CRBN: variants seen among roughly 807,000 people sequenced by gnomAD.
CRBN encodes the protein protein cereblon.
Under a neutral mutation model 62.2 loss-of-function variants are expected in CRBN, and 53 were observed. The observed-to-expected ratio is 0.85, with a 90% CI of 0.68 to 1.07. CRBN has a LOEUF of 1.07. Ranked by LOEUF, CRBN falls within the 50% of genes least tolerant of loss-of-function variation. The pLI is 0.00. For missense variants in CRBN, 616 were observed against 531.1 expected, an observed-to-expected ratio of 1.16 and a Z score of -1.57; for synonymous variants, 208 against 176.1, an observed-to-expected ratio of 1.18 and a Z score of -1.43.
chr3:3,150,556 T>C lies in CRBN; in HGVS notation c.*309A>G. On this transcript the variant is annotated 3_prime_UTR_variant, in exon 11 of 11. Transcript: ENST00000231948. ...TTAACACAGGAAATAATCTCATCAT[T>C]TCCAAAGATGTCTTCATGTCCCATC... The C allele has an allele frequency of 4.3e-6, 1 of 231,476 alleles. No homozygotes were observed. The highest frequency in any genetic ancestry group is 8.7e-6 in the Non-Finnish European group (1 of 115,422). 14.3% of individuals were successfully genotyped at this position (231,476 alleles called of 1,614,324 possible).
chr3:3,156,339 G>A, intron 5 of CRBN, 58 bp from the exon 6 acceptor site: 1 of 1,437,896 alleles, frequency 7.0e-7, no homozygotes, highest in Non-Finnish European at 9.8e-7. Flanking sequence ...TTCTAATGCT[G>A]GAATGAGCAA....
chr3:3,175,227 T>C lies in CRBN; in HGVS notation c.110A>G (p.Asp37Gly). 6 of 1,613,638 alleles carry C rather than the reference T, an allele frequency of 3.7e-6. No individual in the cohort carries two copies. Among genetic ancestry groups the C allele is most frequent in the Non-Finnish European group, 5.1e-6 (6 of 1,179,644 alleles). The change falls in exon 2 of 11, where the codon GAT becomes GGT. Residue 37 changes from aspartate (D) to glycine (G), a missense_variant. Transcript: ENST00000231948. ...EEDEMEVEDQ[D>G]SKEAKKPNII... is the part of the protein sequence containing the mutation. Reference sequence around the variant, plus strand: ...GTTTGGTTTTTTGGCTTCTTTACTATCCTGGTCTTCAACTTCCATTTCATC... The same window carrying C: ...GTTTGGTTTTTTGGCTTCTTTACTACCCTGGTCTTCAACTTCCATTTCATC...
intron 7 of CRBN, 55 bp downstream of exon 7, chr3:3,154,692 C>A: frequency 1.1e-6 from 1 of 942,946 alleles, no homozygotes; most frequent in South Asian, 1.3e-5. Context: ...CATGAAAAAG[C>A]TATTTTTTAT....
chr3:3,163,549 T>C (rs546401547), intron 5 of CRBN, among the ~76,000 whole-genome samples: 5 of 152,152 alleles, frequency 3.3e-5, no homozygotes, highest in Admixed American at 2.0e-4. Flanking sequence ...AAAAAATAAA[T>C]TTAAAAAGCA....
rs1707745151 is a variant in CRBN at position 3,174,343 on chromosome 3, C to A, written c.175-82G>T. On this transcript the variant is annotated intron_variant, in intron 2 of 10. Coordinates refer to ENST00000231948, the MANE Select transcript of CRBN (RefSeq NM_016302.4). Reference sequence around the variant, plus strand: ...GCTCAACAGACTAAAGAGCAAATCACATTAAAAGAAATACAGGCCGGGCAC... The same window carrying A: ...GCTCAACAGACTAAAGAGCAAATCAAATTAAAAGAAATACAGGCCGGGCAC... 11 of 1,142,992 alleles carry A rather than the reference C, an allele frequency of 9.6e-6. No individual in the cohort carries two copies. The South Asian group carries it at 1.0e-4, about 11-fold the overall frequency. 70.8% of individuals were successfully genotyped at this position (1,142,992 alleles called of 1,614,324 possible).
intron 4 of CRBN, among the ~76,000 whole-genome samples, chr3:3,170,063 T>G (rs1290534725): frequency 6.6e-6 from 1 of 152,062 alleles, no homozygotes; most frequent in Non-Finnish European, 1.5e-5. Context: ...CAGTGCAACC[T>G]CTGCCTCCCA....
Position 3,150,658 on chromosome 3 carries a change from T to C in CRBN, c.*207A>G, listed in dbSNP as rs1011051866. On this transcript the variant is annotated 3_prime_UTR_variant, in exon 11 of 11. Transcript: ENST00000231948. ...ACCCAAGTAGATGTTTCTGGTATTC[T>C]AGACTGCCGTTCATGCTTGTTTCCT... The C allele has an allele frequency of 7.7e-6, 4 of 516,192 alleles. No homozygotes were observed. The highest frequency in any genetic ancestry group is 1.9e-5 in the African/African-American group (1 of 52,124). The allele number at this position is 516,192 out of a possible 1,614,324, so 32.0% of individuals were successfully genotyped here. A position where few individuals can be genotyped will look rare whatever the true frequency, so the allele number is the denominator to read the frequency against.
At chr3:3,179,421 G>C (rs1037517105) in intron 1 of CRBN, among the ~76,000 whole-genome samples, 200 bp downstream of exon 1, 2 of 152,238 alleles carry the variant, frequency 1.3e-5, no homozygotes, top group Non-Finnish European at 2.9e-5. Flanking sequence ...CTCACGGCTC[G>C]GGGCAACAGA....
chr3:3,161,288 G>T (rs1707130322), intron 5 of CRBN, among the ~76,000 whole-genome samples: 1 of 152,080 alleles, frequency 6.6e-6, no homozygotes, highest in African/African-American at 2.4e-5. Context: ...TTACAGAAAG[G>T]AAACACAAAC....
downstream of CRBN, chr3:3,149,666 G>T (rs1208961774): frequency 6.6e-6 from 1 of 151,954 alleles, no homozygotes; most frequent in African/African-American, 2.4e-5. Flanking sequence ...AGTAGTAAAA[G>T]TAGACCTTAG....
chr3:3,172,713 G>C, intron 4 of CRBN, 63 bp downstream of exon 4: 1 of 1,525,390 alleles, frequency 6.6e-7, no homozygotes, highest in Admixed American at 1.7e-5. Context: ...AACAGAAAAA[G>C]TACAAGAAAA....
At position 3,166,596 on chromosome 3, in the gene CRBN, C is replaced by A. The variant is rs189840643; in HGVS notation, c.687+1038G>T. 5.9e-5 allele frequency among the ~76,000 whole-genome samples: 9 copies of A among 152,204 alleles called. No homozygotes were observed. The East Asian group carries it at 1.7e-3, about 29-fold the overall frequency. ...CTAATTATATCTTCCTTATTAGAATCTTCCTTAGAAACACTAGTCAAAACA... is the reference window on the plus strand; with the variant it reads ...CTAATTATATCTTCCTTATTAGAATATTCCTTAGAAACACTAGTCAAAACA... On this transcript the variant is annotated intron_variant, in intron 5 of 10. Coordinates refer to ENST00000231948, the MANE Select transcript of CRBN (RefSeq NM_016302.4).
chr3:3,154,061 CTCTG>C lies in CRBN; in HGVS notation c.846_849del (p.Tyr282Ter). 8 of 1,610,366 alleles carry C rather than the reference CTCTG, an allele frequency of 5.0e-6. No individual in the cohort carries two copies. The highest frequency in any genetic ancestry group is 6.8e-6 in the Non-Finnish European group (8 of 1,176,588). On this transcript the variant is annotated frameshift_variant, in exon 8 of 11. Transcript: ENST00000231948. LOFTEE classifies it high-confidence loss of function. Reference sequence around the variant, plus strand: ...TCATCAATAGGAAGACAAGCAGCTACTCTGTAAGAAAAATCTTCAAGACATGGTT... The same window carrying C: ...TCATCAATAGGAAGACAAGCAGCTACTAAGAAAAATCTTCAAGACATGGTT...
rs534542700 is a variant in CRBN, at chr3:3,174,007, G to C, written c.377+52C>G. The C allele has an allele frequency of 2.8e-5, 41 of 1,457,768 alleles. No individual in the cohort carries two copies. In the African/African-American group the frequency reaches 4.0e-4, roughly 14 times the overall value. 90.3% of individuals were successfully genotyped at this position (1,457,768 alleles called of 1,614,324 possible). On this transcript the variant is annotated intron_variant, in intron 3 of 10. Coordinates refer to ENST00000231948, the MANE Select transcript of CRBN (RefSeq NM_016302.4). ...TGCTTTGGCTTCAACACTGACCACT[G>C]CAATTACCCATGAGAGGGAATGTAT...
At position 3,174,105 on chromosome 3, in the gene CRBN, G is replaced by A. The variant is rs756895773; in HGVS notation, c.331C>T (p.Arg111Trp). 6.8e-6 allele frequency: 11 copies of A among 1,613,948 alleles called. No homozygotes were observed. The highest frequency in any genetic ancestry group is 2.7e-5 in the African/African-American group (2 of 74,894). Residue 111 changes from arginine to tryptophan, a missense_variant, in exon 3 of 11, where the codon CGG (arginine) becomes TGG (tryptophan). Transcript: ENST00000231948. ...LFHPQEVSMV[R>W]NLIQKDRTFA... ...GTTCTATCTTTCTGAATTAAATTCC[G>A]CACCATACTGACTTCTTGAGGGTGA...
In CRBN at chr3:3,150,903, C is replaced by T. The variant is rs760263164; in HGVS notation, c.1291G>A (p.Asp431Asn). Residue 431 changes from aspartate (D) to asparagine (N), a missense_variant, in exon 11 of 11, where the codon GAT becomes AAT. Coordinates refer to ENST00000231948, the MANE Select transcript of CRBN (RefSeq NM_016302.4). ...ATTACTTTGTCTGGACTTATTTCATCTTCAGTGTCTGGGATCGTGGGCAAC... is the reference window on the plus strand; with the variant it reads ...ATTACTTTGTCTGGACTTATTTCATTTTCAGTGTCTGGGATCGTGGGCAAC... Reference protein sequence around the residue: ...ALLPTIPDTEDEISPDKVILC... With the variant: ...ALLPTIPDTENEISPDKVILC... 1.2e-6 allele frequency: 2 copies of T among 1,613,922 alleles called. No homozygotes were observed. The highest frequency in any genetic ancestry group is 8.5e-7 in the Non-Finnish European group (1 of 1,179,918).
In CRBN at chr3:3,172,927, T is replaced by C; in HGVS notation, c.378-2A>G. On this transcript the variant is annotated splice_acceptor_variant, in intron 3 of 10. Coordinates refer to ENST00000231948, the MANE Select transcript of CRBN (RefSeq NM_016302.4). LOFTEE classifies it high-confidence loss of function. ...TGTGCTTCCCTTTCCTGTACATTGC[T>C]TCCAAGAAAATTTTAAAAGGAAAGA... The C allele has an allele frequency of 6.2e-7, 1 of 1,613,180 alleles. No individual in the cohort carries two copies. Among genetic ancestry groups the C allele is most frequent in the Non-Finnish European group, 8.5e-7 (1 of 1,179,180 alleles).
chr3:3,177,730 C>A (rs1559259808), intron 1 of CRBN, among the ~76,000 whole-genome samples: 1 of 152,074 alleles, frequency 6.6e-6, no homozygotes, highest in Non-Finnish European at 1.5e-5. Context: ...CTTTAGTAAC[C>A]TTTTTTTCAT....
chr3:3,179,023 C>T (rs1707953790), intron 1 of CRBN, among the ~76,000 whole-genome samples: 1 of 151,952 alleles, frequency 6.6e-6, no homozygotes, highest in Non-Finnish European at 1.5e-5. Flanking sequence ...GTAAGAAAAA[C>T]AAAACAGAGA....
Sources: allele counts gnomAD v4.1 joint callset (sites outside exome capture counted in the v4.1 genomes callset), GRCh38; gene constraint gnomAD v4.1.1; transcripts MANE v1.5; gene names NCBI Gene and HGNC (gene_info 2026-07-23, HGNC 2026-07-21).